The following KCNIP4 variants were observed in gnomAD, a reference collection of about 807,000 sequenced individuals.
KCNIP4 encodes the protein potassium voltage-gated channel interacting protein 4.
Under a neutral mutation model 34.0 loss-of-function variants are expected in KCNIP4, and 12 were observed. The ratio of observed to expected loss-of-function variants is 0.35; its 90% CI spans 0.23 to 0.57. The LOEUF (loss-of-function observed/expected upper bound fraction) is 0.57. Ranked by LOEUF, KCNIP4 falls within the 20% of genes least tolerant of loss-of-function variation. KCNIP4 has a pLI of 0.83. For missense variants in KCNIP4, 238 were observed against 311.7 expected, an observed-to-expected ratio of 0.76 and a Z score of 1.78; for synonymous variants, 124 against 102.2, an observed-to-expected ratio of 1.21 and a Z score of -1.29.
chr4:21,596,517 CAAATT>C (rs1384058317), intron 1 of KCNIP4, among the ~76,000 whole-genome samples: 1 of 152,054 alleles, frequency 6.6e-6, no homozygotes, highest in Non-Finnish European at 1.5e-5. Flanking sequence ...ATAGTCAAAT[CAAATT>C]GTGTGTGCAC....
chr4:21,634,913 A>G (rs1418757916), intron 1 of KCNIP4, among the ~76,000 whole-genome samples: 4 of 152,172 alleles, frequency 2.6e-5, no homozygotes, highest in African/African-American at 9.6e-5. Flanking sequence ...AAGAATAGCA[A>G]CTGATGCACT....
chr4:21,904,659 G>C (rs974030166), intron 1 of KCNIP4, among the ~76,000 whole-genome samples: 3 of 152,200 alleles, frequency 2.0e-5, no homozygotes, highest in African/African-American at 7.2e-5. Flanking sequence ...GAGATGAACA[G>C]TAACACAGCC....
intron 1 of KCNIP4, among the ~76,000 whole-genome samples, chr4:21,511,060 A>G (rs1375033428): frequency 6.6e-6 from 1 of 151,854 alleles, no homozygotes; most frequent in Non-Finnish European, 1.5e-5. Flanking sequence ...AAAATAAAAT[A>G]ATAATAATAA....
chr4:21,308,150 AAG>A (rs1457951257), intron 1 of KCNIP4, among the ~76,000 whole-genome samples: 3 of 152,224 alleles, frequency 2.0e-5, no homozygotes, highest in Non-Finnish European at 2.9e-5. Context: ...TCCCTTTTAA[AAG>A]AGAAATATTA....
chr4:20,943,446 C>T (rs1319492150), intron 1 of KCNIP4, among the ~76,000 whole-genome samples: 1 of 152,168 alleles, frequency 6.6e-6, no homozygotes, highest in Non-Finnish European at 1.5e-5. Flanking sequence ...CAAATCCTTG[C>T]TCTGCAATTT....
intron 1 of KCNIP4, among the ~76,000 whole-genome samples, chr4:21,696,642 G>C (rs904521331): frequency 2.0e-5 from 3 of 152,038 alleles, no homozygotes; most frequent in African/African-American, 7.2e-5. Context: ...GCATTGCCTA[G>C]GAATTTCATG....
At chr4:21,758,548 A>G (rs1213109019) in intron 1 of KCNIP4, among the ~76,000 whole-genome samples, 1 of 152,232 alleles carries the variant, frequency 6.6e-6, no homozygotes, top group Non-Finnish European at 1.5e-5. Context: ...AATGGGATTC[A>G]GATTTTAATA....
chr4:21,470,415 AC>A (rs907968482), intron 1 of KCNIP4, among the ~76,000 whole-genome samples: 33 of 118,786 alleles, frequency 2.8e-4, no homozygotes, highest in African/African-American at 8.8e-4. Flanking sequence ...TGAACTAAGT[AC>A]TTTAACTTGT....
intron 1 of KCNIP4, among the ~76,000 whole-genome samples, chr4:21,913,281 A>C (rs1728442542): frequency 6.6e-6 from 1 of 151,974 alleles, no homozygotes; most frequent in South Asian, 2.1e-4. Context: ...TGGGGGCTGC[A>C]GTGAGCTATG....
chr4:21,121,592 A>G (rs1300554846), intron 1 of KCNIP4, among the ~76,000 whole-genome samples: 2 of 152,254 alleles, frequency 1.3e-5, no homozygotes, highest in African/African-American at 4.8e-5. Context: ...TTAAAATACT[A>G]CTTCTAATTC....
chr4:20,964,358 T>C (rs1027834471), intron 1 of KCNIP4, among the ~76,000 whole-genome samples: 24 of 152,322 alleles, frequency 1.6e-4, no homozygotes, highest in African/African-American at 5.8e-4. Flanking sequence ...TGACATGAAG[T>C]TAAAAACACA....
rs1005399291 is a variant in KCNIP4, at chr4:21,672,539, AAT to A, written c.61+276030_61+276031del. Among the ~76,000 whole-genome samples, 38 of 152,212 alleles carry A rather than the reference AAT, an allele frequency of 2.5e-4. 1 individual carries two copies. Among genetic ancestry groups the A allele is most frequent in the African/African-American group, 8.0e-4 (33 of 41,454 alleles). On this transcript the variant is annotated intron_variant, in intron 1 of 8. Coordinates refer to ENST00000382152, the MANE Select transcript of KCNIP4 (RefSeq NM_025221.6). The stretch of plus-strand genomic sequence containing the variant: ...TGAAACAAAGGTTCAGTGTATATTA[AAT>A]ATGTGTTTTTACATATTTTTCATTG...
At chr4:21,824,051 G>A (rs372911310) in intron 1 of KCNIP4, among the ~76,000 whole-genome samples, 8 of 152,106 alleles carry the variant, frequency 5.3e-5, no homozygotes, top group African/African-American at 1.2e-4. Context: ...GTTTAGCTAC[G>A]ATGTGAAGAA....
At chr4:21,924,847 C>A (rs1385387204) in intron 1 of KCNIP4, among the ~76,000 whole-genome samples, 3 of 152,096 alleles carry the variant, frequency 2.0e-5, no homozygotes, top group African/African-American at 7.2e-5. Flanking sequence ...TAATCTACCA[C>A]TCCTCCCTGG....
chr4:21,549,748 C>T (rs1404708108), intron 1 of KCNIP4, among the ~76,000 whole-genome samples: 1 of 151,870 alleles, frequency 6.6e-6, no homozygotes, highest in African/African-American at 2.4e-5. Context: ...GTAAAGGGAG[C>T]CTGGATTTGA....
At chr4:21,668,309 T>C (rs886609709) in intron 1 of KCNIP4, among the ~76,000 whole-genome samples, 1 of 152,052 alleles carries the variant, frequency 6.6e-6, no homozygotes, top group African/African-American at 2.4e-5. Flanking sequence ...TATACCTATG[T>C]AACAAACCTA....
At chr4:21,913,448 G>A (rs1381562381) in intron 1 of KCNIP4, among the ~76,000 whole-genome samples, 1 of 151,770 alleles carries the variant, frequency 6.6e-6, no homozygotes, top group Non-Finnish European at 1.5e-5. Context: ...ACCATGAGGG[G>A]AGCCATCTTG....
intron 1 of KCNIP4, among the ~76,000 whole-genome samples, chr4:21,352,309 A>T (rs1356046297): frequency 6.6e-6 from 1 of 152,184 alleles, no homozygotes; most frequent in Non-Finnish European, 1.5e-5. Flanking sequence ...GGGCAAGCCA[A>T]AGCAGGGTGG....
intron 1 of KCNIP4, among the ~76,000 whole-genome samples, chr4:21,153,288 AC>A (rs1752889253): frequency 1.3e-5 from 2 of 152,018 alleles, no homozygotes; most frequent in South Asian, 4.2e-4. Context: ...TTTTCCTGAA[AC>A]CTTGCCAGCT....
Sources: gnomAD v4.1 joint callset for allele counts (sites outside exome capture counted in the v4.1 genomes callset) on GRCh38, gnomAD v4.1.1 for gene constraint, MANE v1.5 for transcripts, NCBI Gene and HGNC (gene_info 2026-07-23, HGNC 2026-07-21) for gene names.